The following CTNNA3 variants were observed in gnomAD, a reference collection of about 807,000 sequenced individuals.
CTNNA3 encodes the protein catenin alpha-3.
CTNNA3 carries 76 observed loss-of-function variants against 95.7 expected under a neutral mutation model. That is an observed-to-expected ratio of 0.79 (90% CI 0.66 to 0.96). The LOEUF is 0.96. Ranked by LOEUF, CTNNA3 falls within the 40% of genes least tolerant of loss-of-function variation. CTNNA3 has a pLI of 0.00. For synonymous variants in CTNNA3, 431 were observed against 374.4 expected, an observed-to-expected ratio of 1.15 and a Z score of -1.74; for missense variants, 1,191 against 1,089.8, an observed-to-expected ratio of 1.09 and a Z score of -1.31.
chr10:66,942,473 T>C (rs1325164962), intron 7 of CTNNA3, among the ~76,000 whole-genome samples: 1 of 152,146 alleles, frequency 6.6e-6, no homozygotes, highest in African/African-American at 2.4e-5. Context: ...TTCAACATCA[T>C]TTCCATTTCA....
chr10:67,695,844 C>G (rs1840954566), intron 1 of CTNNA3, among the ~76,000 whole-genome samples, 156 bp downstream of exon 1: 1 of 152,166 alleles, frequency 6.6e-6, no homozygotes, highest in South Asian at 2.1e-4. Context: ...CATAACTAGT[C>G]AAAACATTCC....
intron 11 of CTNNA3, among the ~76,000 whole-genome samples, chr10:66,437,804 T>C (rs2093348808): frequency 6.6e-6 from 1 of 152,182 alleles, no homozygotes; most frequent in African/African-American, 2.4e-5. Context: ...TTCAGCCTTT[T>C]TGAGCTGCTT....
chr10:66,537,589 T>C (rs1183959556), intron 10 of CTNNA3, among the ~76,000 whole-genome samples: 1 of 149,170 alleles, frequency 6.7e-6, no homozygotes, highest in East Asian at 1.9e-4. Context: ...AAATAAATTG[T>C]TATAATTTTA....
At chr10:65,982,826 A>G (rs1217351160) in intron 16 of CTNNA3, among the ~76,000 whole-genome samples, 1 of 151,450 alleles carries the variant, frequency 6.6e-6, no homozygotes, top group East Asian at 1.9e-4. Flanking sequence ...CCTTTAAAAT[A>G]CGCATATTGT....
intron 1 of CTNNA3, among the ~76,000 whole-genome samples, chr10:67,720,484 A>G (rs2133618898): frequency 6.6e-6 from 1 of 152,086 alleles, no homozygotes; most frequent in Admixed American, 6.6e-5. Flanking sequence ...TTTTTACAGT[A>G]GCTGGTACCA....
At chr10:66,048,357 C>A (rs932923096) in intron 15 of CTNNA3, among the ~76,000 whole-genome samples, 23 of 152,240 alleles carry the variant, frequency 1.5e-4, no homozygotes, top group African/African-American at 5.1e-4. Context: ...ACAAAGCTGA[C>A]AAAAATAAGC....
At chr10:66,406,256 G>A (rs1417553134) in intron 11 of CTNNA3, among the ~76,000 whole-genome samples, 2 of 152,142 alleles carry the variant, frequency 1.3e-5, no homozygotes, top group Non-Finnish European at 2.9e-5. Context: ...TAACTCAGTG[G>A]TTTGATGAAG....
chr10:67,094,883 T>C (rs1206800659), intron 7 of CTNNA3, among the ~76,000 whole-genome samples: 1 of 151,686 alleles, frequency 6.6e-6, no homozygotes, highest in Non-Finnish European at 1.5e-5. Context: ...GTATACTATA[T>C]TTACATGAAT....
At chr10:66,079,393 T>A (rs2080657428) in intron 14 of CTNNA3, 2 of 152,036 alleles carry the variant, frequency 1.3e-5, no homozygotes, top group Non-Finnish European at 2.9e-5. Context: ...ATGAATTTTA[T>A]AATGACAAAT....
chr10:66,542,909 AT>A (rs1264043071), intron 10 of CTNNA3, among the ~76,000 whole-genome samples: 11 of 152,274 alleles, frequency 7.2e-5, no homozygotes, highest in African/African-American at 2.4e-4. Context: ...CATTAAAAAA[AT>A]AAAATAAAAC....
chr10:67,290,999 T>A (rs1388695346), intron 5 of CTNNA3, among the ~76,000 whole-genome samples: 2 of 152,180 alleles, frequency 1.3e-5, no homozygotes, highest in East Asian at 3.9e-4. Flanking sequence ...ATATAATAGG[T>A]GATGTTACAG....
chr10:67,026,906 T>C (rs1302120865), intron 7 of CTNNA3, among the ~76,000 whole-genome samples: 1 of 152,202 alleles, frequency 6.6e-6, no homozygotes, highest in Non-Finnish European at 1.5e-5. Context: ...TAATTTAAGA[T>C]CACATTAAAA....
chr10:67,558,944 C>T (rs532491144), intron 3 of CTNNA3, among the ~76,000 whole-genome samples: 2,400 of 152,234 alleles, frequency 0.016, 23 homozygotes, highest in South Asian at 0.035. Flanking sequence ...GAGGGGTGCC[C>T]GCCATTGCCC....
chr10:66,370,341 A>G (rs1377728098), intron 12 of CTNNA3, among the ~76,000 whole-genome samples: 1 of 152,182 alleles, frequency 6.6e-6, no homozygotes, highest in Admixed American at 6.6e-5. Flanking sequence ...AACTGAAGGG[A>G]ATTGTTTCAT....
intron 3 of CTNNA3, among the ~76,000 whole-genome samples, chr10:67,594,885 C>G (rs1303039444): frequency 1.3e-5 from 2 of 152,032 alleles, no homozygotes; most frequent in African/African-American, 2.4e-5. Context: ...ACCCCACCTC[C>G]CACCCTTTCC....
At chr10:66,075,234 A>G (rs1048150047) in intron 14 of CTNNA3, among the ~76,000 whole-genome samples, 7 of 151,838 alleles carry the variant, frequency 4.6e-5, no homozygotes, top group African/African-American at 1.7e-4. Flanking sequence ...AAAAATTTAA[A>G]TGACTATAAT....
chr10:66,304,005 A>T (rs1237414691), intron 12 of CTNNA3, among the ~76,000 whole-genome samples: 1 of 152,190 alleles, frequency 6.6e-6, no homozygotes, highest in Non-Finnish European at 1.5e-5. Context: ...AATGAAAAGG[A>T]AATGTAAACT....
At chr10:67,659,279 A>G (rs1840112590) in intron 1 of CTNNA3, among the ~76,000 whole-genome samples, 1 of 152,202 alleles carries the variant, frequency 6.6e-6, no homozygotes, top group South Asian at 2.1e-4. Flanking sequence ...ACTTACCTGA[A>G]AAGTAATATT....
intron 10 of CTNNA3, among the ~76,000 whole-genome samples, chr10:66,602,573 T>C (rs894374180): frequency 1.3e-5 from 2 of 151,914 alleles, no homozygotes; most frequent in Admixed American, 6.6e-5. Context: ...TACTGCACTA[T>C]GTAGATTCTG....
Sources: gnomAD v4.1 joint callset for allele counts (sites outside exome capture counted in the v4.1 genomes callset) on GRCh38, gnomAD v4.1.1 for gene constraint, MANE v1.5 for transcripts, NCBI Gene and HGNC (gene_info 2026-07-23, HGNC 2026-07-21) for gene names.